Variants in SLC8B1 observed in about 807,000 individuals in gnomAD.
SLC8B1 encodes the protein mitochondrial sodium/calcium exchanger protein.
SLC8B1 carries 52 observed loss-of-function variants against 63.4 expected under a neutral mutation model. The observed-to-expected ratio is 0.82, with a 90% CI of 0.66 to 1.03. The LOEUF (loss-of-function observed/expected upper bound fraction) is 1.03. Among genes scored for constraint, SLC8B1 ranks in the 50% least tolerant of loss-of-function variants. SLC8B1 has a pLI of 0.00. For synonymous variants in SLC8B1, 336 were observed against 323.9 expected, an observed-to-expected ratio of 1.04 and a Z score of -0.40; for missense variants, 657 against 741.7, an observed-to-expected ratio of 0.89 and a Z score of 1.33.
Position 113,319,049 on chromosome 12 carries a change from G to A in SLC8B1, c.717C>T (p.Phe239=), listed in dbSNP as rs1196297433. Reference sequence around the variant, plus strand: ...TGCAGAGAATCACAGTGACCACATAGAACACATACAAGCCCAGGTAACCTG... The same window carrying A: ...TGCAGAGAATCACAGTGACCACATAAAACACATACAAGCCCAGGTAACCTG... ...WALGYLGLYV[F]YVVTVILCTW... Residue 239 remains phenylalanine, a synonymous_variant, in exon 8 of 16, where the codon TTC becomes TTT. Coordinates refer to ENST00000680972, the MANE Select transcript of SLC8B1 (RefSeq NM_001358345.2). 1 of 1,614,018 alleles carries A rather than the reference G, an allele frequency of 6.2e-7. No homozygotes were observed. Among genetic ancestry groups the A allele is most frequent in the Non-Finnish European group, 8.5e-7 (1 of 1,179,932 alleles).
intron 11 of SLC8B1, among the ~76,000 whole-genome samples, chr12:113,312,466 G>A (rs1956777937): frequency 6.6e-6 from 1 of 152,012 alleles, no homozygotes. Context: ...GTGGGGGAGT[G>A]ACCACAACAT....
chr12:113,320,285 G>T lies in SLC8B1; in HGVS notation c.694+46C>A. Reference sequence around the variant, plus strand: ...GTCCCAGGCACCTCCTAAACCTCCTGCCCATCAGCCCTGGGATCTCACGCC... The same window carrying T: ...GTCCCAGGCACCTCCTAAACCTCCTTCCCATCAGCCCTGGGATCTCACGCC... On this transcript the variant is annotated intron_variant, in intron 7 of 15. Coordinates refer to ENST00000680972, the MANE Select transcript of SLC8B1 (RefSeq NM_001358345.2). The surrounding 1 kb of genome is among the most constrained non-coding windows in gnomAD (Gnocchi z 5.3). 1 of 1,597,800 alleles carries T rather than the reference G, an allele frequency of 6.3e-7. No homozygotes were observed. The highest frequency in any genetic ancestry group is 8.5e-7 in the Non-Finnish European group (1 of 1,171,354).
chr12:113,310,364 GGAGA>G lies in SLC8B1; in HGVS notation c.1136-13_1136-10del, dbSNP rs1956741338. 1 of 1,610,398 alleles carries G rather than the reference GGAGA, an allele frequency of 6.2e-7. No individual in the cohort carries two copies. Among genetic ancestry groups the G allele is most frequent in the South Asian group, 1.1e-5 (1 of 90,546 alleles). ...TATCTCATAGACACCATCTGCAAAG[GGAGA>G]GAAAGGGAGCTGATACCTTCCCAGC... On this transcript the variant is annotated splice_polypyrimidine_tract_variant and intron_variant, in intron 11 of 15. Coordinates refer to ENST00000680972, the MANE Select transcript of SLC8B1 (RefSeq NM_001358345.2).
chr12:113,318,509 ATGTG>A (rs750189844), intron 8 of SLC8B1, among the ~76,000 whole-genome samples: 18 of 150,022 alleles, frequency 1.2e-4, no homozygotes, highest in East Asian at 3.9e-4. Context: ...GTGTGCATGT[ATGTG>A]TATGTGTGCA....
chr12:113,325,339 G>A (rs749721821), intron 2 of SLC8B1, among the ~76,000 whole-genome samples: 4 of 152,100 alleles, frequency 2.6e-5, no homozygotes, highest in African/African-American at 4.8e-5. Context: ...CTTCAGCCTC[G>A]AACTCCTGGG....
At chr12:113,312,961 AG>A (rs1016013666) in intron 11 of SLC8B1, among the ~76,000 whole-genome samples, 8 of 151,790 alleles carry the variant, frequency 5.3e-5, no homozygotes, top group African/African-American at 1.9e-4. Context: ...GCTGGAGTGC[AG>A]GGGTGCAATC....
In SLC8B1 at chr12:113,320,590, C is replaced by G. The variant is rs1410082882; in HGVS notation, c.517G>C (p.Ala173Pro). ...CTGGGGCTGCTCTCACCAAACAGTG[C>G]CCCAAGGGCCAGGCCGGCTGTGTGC... ...DPHTAGLALG[A>P]LFGAGVLVTT... is the part of the protein sequence containing the mutation. Residue 173 changes from alanine to proline, a missense_variant, in exon 6 of 16, where the codon GCA becomes CCA. Transcript: ENST00000680972. This position sits in a 1 kb window ranked among gnomAD's most constrained non-coding sequence, Gnocchi z 5.3. 2.5e-6 allele frequency: 4 copies of G among 1,613,952 alleles called. No individual in the cohort carries two copies. The highest frequency in any genetic ancestry group is 3.4e-6 in the Non-Finnish European group (4 of 1,180,028).
intron 13 of SLC8B1, among the ~76,000 whole-genome samples, chr12:113,307,110 CAAAAAAAAAAAAAAAAAAAAAAAAAAA>C (rs67032040): frequency 9.4e-4 from 17 of 18,172 alleles, no homozygotes; most frequent in Non-Finnish European, 1.3e-3. Flanking sequence ...GCCTCCATCT[CAAAAAAAAAAAAAAAAAAAAAAAAAAA>C]AAAAAAAAAA....
chr12:113,318,192 CATGT>C (rs1174617260), intron 8 of SLC8B1, among the ~76,000 whole-genome samples: 2 of 150,396 alleles, frequency 1.3e-5, no homozygotes, highest in Non-Finnish European at 3.0e-5. Flanking sequence ...ATGTGTTGCA[CATGT>C]ATGTGCATGT....
intron 11 of SLC8B1, among the ~76,000 whole-genome samples, chr12:113,314,609 G>A (rs534286572): frequency 7.8e-4 from 119 of 152,274 alleles, no homozygotes; most frequent in South Asian, 7.0e-3. Context: ...TCACATAAAC[G>A]AGGGAAGGGG....
intron 13 of SLC8B1, chr12:113,306,819 C>T (rs901770394): frequency 3.7e-5 from 20 of 538,512 alleles, no homozygotes; most frequent in South Asian, 5.5e-5. Flanking sequence ...GTGTGAAAAA[C>T]GCGGCTACCA....
chr12:113,324,471 A>G (rs1472620561), intron 2 of SLC8B1, among the ~76,000 whole-genome samples: 7 of 148,292 alleles, frequency 4.7e-5, no homozygotes, highest in Non-Finnish European at 7.4e-5. Context: ...CAATAGCACA[A>G]TCTCGGCTCA....
intron 2 of SLC8B1, among the ~76,000 whole-genome samples, chr12:113,329,049 G>C (rs1055459112): frequency 6.6e-6 from 1 of 152,010 alleles, no homozygotes; most frequent in Non-Finnish European, 1.5e-5. Context: ...CCGCACCCAG[G>C]CAGGATCATA....
intron 2 of SLC8B1, among the ~76,000 whole-genome samples, chr12:113,332,311 G>A (rs1244437966): frequency 1.3e-5 from 2 of 152,084 alleles, no homozygotes; most frequent in Admixed American, 6.6e-5. Context: ...TTGCTTCGCC[G>A]CCCAGGCTGG....
At position 113,299,930 on chromosome 12, in the gene SLC8B1, C is replaced by T. The variant is rs1956552763; in HGVS notation, c.1602G>A (p.Leu534=). 3 of 1,613,914 alleles carry T rather than the reference C, an allele frequency of 1.9e-6. No individual in the cohort carries two copies. Among genetic ancestry groups the T allele is most frequent in the Non-Finnish European group, 2.5e-6 (3 of 1,179,976 alleles). ...CCAGGGAGAAGACGAGGCTGAGCCCCAGGGCGCCTGCCAGGACCCACACCA... is the reference window on the plus strand; with the variant it reads ...CCAGGGAGAAGACGAGGCTGAGCCCTAGGGCGCCTGCCAGGACCCACACCA... ...GLLVWVLAGA[L]GLSLVFSLVS... Residue 534 remains leucine, a synonymous_variant, in exon 16 of 16, where the codon CTG becomes CTA. Transcript: ENST00000680972.
chr12:113,332,795 C>T lies in SLC8B1; in HGVS notation c.84G>A (p.Arg28=). The change falls in exon 2 of 16, where the codon AGG becomes AGA. Residue 28 remains arginine (R), a synonymous_variant. Transcript: ENST00000680972. ...TAATGTGAGCTCCTGTAGACGAGCC[C>T]CTAGTCCCAGACACTGTCTCCGCCA... The part of the protein sequence containing the change: ...LLMAETVSGT[R]GSSTGAHISP... The T allele has an allele frequency of 6.2e-7, 1 of 1,614,182 alleles. No homozygotes were observed.
rs373672515 is a variant in SLC8B1, at chr12:113,321,207, C to T, written c.298G>A (p.Val100Ile). ...GGGCAGGGCCTCACGTAGAGAGTGACAGCCAGAGGGAGGAGGCTGGGAGGG... is the reference window on the plus strand; with the variant it reads ...GGGCAGGGCCTCACGTAGAGAGTGATAGCCAGAGGGAGGAGGCTGGGAGGG... Reference protein sequence around the residue: ...HFPPSLLPLAVTLYVSWLLYL... With the variant: ...HFPPSLLPLAITLYVSWLLYL... Residue 100 changes from valine (V) to isoleucine (I), a missense_variant, in exon 3 of 16, where the codon GTC becomes ATC. Transcript: ENST00000680972. The T allele has an allele frequency of 6.2e-6, 10 of 1,613,990 alleles. No individual in the cohort carries two copies. Among genetic ancestry groups the T allele is most frequent in the Admixed American group, 1.7e-5 (1 of 59,994 alleles).
At chr12:113,317,882 TTGA>T (rs572897382) in intron 8 of SLC8B1, among the ~76,000 whole-genome samples, 17 of 150,770 alleles carry the variant, frequency 1.1e-4, no homozygotes, top group South Asian at 4.2e-4. Context: ...TTTGTGTGCA[TTGA>T]TGTTTTTGTG....
chr12:113,325,639 A>G (rs2136862661), intron 2 of SLC8B1, among the ~76,000 whole-genome samples: 1 of 148,164 alleles, frequency 6.7e-6, no homozygotes, highest in South Asian at 2.1e-4. Flanking sequence ...ATCTCGGCTC[A>G]CGGCAAGTTC....
Sources: gnomAD v4.1 joint callset for allele counts (sites outside exome capture counted in the v4.1 genomes callset) on GRCh38, gnomAD v4.1.1 for gene constraint, Gnocchi (gnomAD v3.1) non-coding constraint, MANE v1.5 for transcripts, NCBI Gene and HGNC (gene_info 2026-07-23, HGNC 2026-07-21) for gene names.